The following TBX1 variants were observed in gnomAD, a reference collection of about 807,000 sequenced individuals.
TBX1 encodes T-box transcription factor 1, also known as T-box transcription factor TBX1.
In TBX1, 16 loss-of-function variants were observed where a neutral mutation model predicts 40.8. The ratio of observed to expected loss-of-function variants is 0.39; its 90% CI spans 0.27 to 0.60. The LOEUF (loss-of-function observed/expected upper bound fraction) is 0.60. Among genes scored for constraint, TBX1 ranks in the 20% least tolerant of loss-of-function variants. The probability of loss-of-function intolerance (pLI) is 0.51; values close to 1 mark genes in which losing one functional copy is unlikely to be tolerated. For missense variants in TBX1, 755 were observed against 728.5 expected, an observed-to-expected ratio of 1.04 and a Z score of -0.42; for synonymous variants, 403 against 336.8, an observed-to-expected ratio of 1.20 and a Z score of -2.15.
At chr22:19,779,118 C>G in intron 8 of TBX1, 1 of 1,369,770 alleles carries the variant, frequency 7.3e-7, no homozygotes, top group East Asian at 2.3e-5. Context: ...CCCTTCCATG[C>G]GGTTCAGACA....
At chr22:19,774,566 C>T (rs1029602188) in intron 8 of TBX1, among the ~76,000 whole-genome samples, 2 of 151,988 alleles carry the variant, frequency 1.3e-5, no homozygotes, top group African/African-American at 2.4e-5. Flanking sequence ...GGAGGCGAGC[C>T]GAGCGTCCAC....
At chr22:19,766,294 G>A in intron 6 of TBX1, 95 bp from the exon 7 acceptor site, 9 of 1,208,980 alleles carry the variant, frequency 7.4e-6, no homozygotes, top group South Asian at 3.5e-5. Flanking sequence ...ACCGAGGGCG[G>A]CCAAGAGCCT....
Position 19,761,185 on chromosome 22 carries a change from GA to G in TBX1, c.344del (p.Lys115ArgfsTer5). On this transcript the variant is annotated frameshift_variant, in exon 1 of 7. Transcript: ENST00000649276. LOFTEE classifies it high-confidence loss of function. The stretch of plus-strand genomic sequence containing the variant: ...CCAAGGCGCCGGTGAAGAAGAACGC[GA>G]AGGTGGCCGGTGTGAGCGTGCAGCT... ...AAKAPVKKNA[K>X]VAGVSVQLEM... 6.5e-7 allele frequency: 1 copy of G among 1,540,712 alleles called. No individual in the cohort carries two copies. The highest frequency in any genetic ancestry group is 8.8e-7 in the Non-Finnish European group (1 of 1,141,400).
At chr22:19,778,364 G>A (rs999393081) in intron 8 of TBX1, among the ~76,000 whole-genome samples, 4 of 151,916 alleles carry the variant, frequency 2.6e-5, no homozygotes, top group East Asian at 3.9e-4. Context: ...GCCCTCCAAA[G>A]CACTGGGATT....
intron 2 of TBX1, 61 bp downstream of exon 2, chr22:19,763,403 C>T (rs1024888681): frequency 9.2e-6 from 14 of 1,517,962 alleles, no homozygotes; most frequent in African/African-American, 2.7e-5. Flanking sequence ...GGCGGGTCTC[C>T]GCCTGGTGAC....
At chr22:19,761,337 G>C (rs1271827810) in intron 1 of TBX1, 57 bp downstream of exon 1, 6 of 1,497,932 alleles carry the variant, frequency 4.0e-6, no homozygotes, top group African/African-American at 1.5e-5. Flanking sequence ...CCAGGGCTGC[G>C]GGCCTCCGCC....
chr22:19,767,553 C>T (rs1936906702), downstream of TBX1, among the ~76,000 whole-genome samples: 1 of 152,210 alleles, frequency 6.6e-6, no homozygotes, highest in Admixed American at 6.5e-5. Context: ...GAGGCCCCTC[C>T]TGCCAGGCCT....
chr22:19,774,064 G>C (rs906306386), intron 8 of TBX1, among the ~76,000 whole-genome samples: 3 of 152,212 alleles, frequency 2.0e-5, no homozygotes, highest in Non-Finnish European at 4.4e-5. Flanking sequence ...TATCCATTAG[G>C]ATGATGATGA....
chr22:19,773,295 G>A (rs750236314), intron 8 of TBX1, among the ~76,000 whole-genome samples: 20 of 152,216 alleles, frequency 1.3e-4, no homozygotes, highest in Non-Finnish European at 2.5e-4. Flanking sequence ...GGGGACAAGA[G>A]CTGCTGCTCA....
chr22:19,774,789 C>T (rs945628054), intron 8 of TBX1, among the ~76,000 whole-genome samples: 2 of 152,122 alleles, frequency 1.3e-5, no homozygotes, highest in African/African-American at 4.8e-5. Context: ...AAGAAACAGA[C>T]AGGAGAATGG....
At chr22:19,773,618 G>A (rs1937022922) in intron 8 of TBX1, among the ~76,000 whole-genome samples, 1 of 152,206 alleles carries the variant, frequency 6.6e-6, no homozygotes, top group Non-Finnish European at 1.5e-5. Flanking sequence ...GCTTACTGCA[G>A]GGCTGGCCCC....
chr22:19,761,185 G>T lies in TBX1; in HGVS notation c.342G>T (p.Ala114=). The T allele has an allele frequency of 6.5e-7, 1 of 1,540,718 alleles. No homozygotes were observed. The part of the protein sequence containing the change: ...AAAKAPVKKN[A]KVAGVSVQLE... ...CCAAGGCGCCGGTGAAGAAGAACGC[G>T]AAGGTGGCCGGTGTGAGCGTGCAGC... The change falls in exon 1 of 7, where the codon GCG becomes GCT. Residue 114 remains alanine (A), a synonymous_variant. Transcript: ENST00000649276.
chr22:19,772,441 G>T (rs1040534672), intron 8 of TBX1, among the ~76,000 whole-genome samples: 3 of 152,010 alleles, frequency 2.0e-5, no homozygotes, highest in Non-Finnish European at 4.4e-5. Context: ...GATTAGCTGG[G>T]ACTACAGGCG....
rs549514380 is a variant in TBX1, at chr22:19,765,866, G to C, written c.936-36G>C. On this transcript the variant is annotated intron_variant, in intron 5 of 6. Coordinates refer to ENST00000649276, the MANE Select transcript of TBX1 (RefSeq NM_001379200.1). ...CGAGAGAGTGAGCGCCGGGCGCCTG[G>C]CGCAGGCGCCGCCCTGATCCGCCTC... is the stretch of plus-strand genomic sequence containing the variant. 23 of 1,566,228 alleles carry C rather than the reference G, an allele frequency of 1.5e-5. No individual in the cohort carries two copies. The East Asian group carries it at 4.8e-4, about 33-fold the overall frequency.
At chr22:19,757,679 C>A (rs1936517840), upstream of TBX1, among the ~76,000 whole-genome samples, 1 of 152,194 alleles carries the variant, frequency 6.6e-6, no homozygotes, top group African/African-American at 2.4e-5. Context: ...CCACCCGCCT[C>A]CACGGGACTG....
In TBX1 at chr22:19,766,898, C is replaced by T. The variant is rs1403854234; in HGVS notation, c.*31C>T. ...GCCCTGTCGCGCTCCCGCCCCGGTC[C>T]TGCACAGCCCCGAAGTTCGCCGGGC... is the stretch of plus-strand genomic sequence containing the variant. On this transcript the variant is annotated 3_prime_UTR_variant, in exon 7 of 7. Coordinates refer to ENST00000649276, the MANE Select transcript of TBX1 (RefSeq NM_001379200.1). 1.0e-5 allele frequency: 16 copies of T among 1,578,936 alleles called. No individual in the cohort carries two copies. The highest frequency in any genetic ancestry group is 1.4e-5 in the Non-Finnish European group (16 of 1,170,840).
At chr22:19,768,950 A>ATTTTTTTTTTT (rs1601297935), downstream of TBX1, among the ~76,000 whole-genome samples, 1 of 70,712 alleles carries the variant, frequency 1.4e-5, no homozygotes, top group Non-Finnish European at 2.9e-5. Context: ...GGCTGTTCGC[A>ATTTTTTTTTTT]TTCTTTTTTT....
downstream of TBX1, among the ~76,000 whole-genome samples, chr22:19,781,922 A>T (rs911380505): frequency 3.9e-5 from 6 of 152,196 alleles, no homozygotes; most frequent in African/African-American, 1.4e-4. Context: ...CAGGAGTTCA[A>T]GACCAGACTG....
At chr22:19,782,712 C>T (rs535292670), downstream of TBX1, among the ~76,000 whole-genome samples, 19 of 152,342 alleles carry the variant, frequency 1.2e-4, no homozygotes, top group South Asian at 2.1e-4. Flanking sequence ...ACACTGGACT[C>T]TTCCCACCTA....
Sources: allele counts gnomAD v4.1 joint callset (sites outside exome capture counted in the v4.1 genomes callset), GRCh38; gene constraint gnomAD v4.1.1; transcripts MANE v1.5; gene names NCBI Gene and HGNC (gene_info 2026-07-23, HGNC 2026-07-21).